Variants in PRDM6 observed in about 807,000 individuals in gnomAD.
PRDM6 encodes the protein PR/SET domain 6, also known as putative histone-lysine N-methyltransferase PRDM6.
In PRDM6, 25 loss-of-function variants were observed where a neutral mutation model predicts 60.8. The ratio of observed to expected loss-of-function variants is 0.41; its 90% CI spans 0.30 to 0.57. The LOEUF (loss-of-function observed/expected upper bound fraction) is 0.57. PRDM6 is among the 20% of genes least tolerant of loss of function. The pLI is 0.27. For synonymous variants in PRDM6, 407 were observed against 357.4 expected (o/e 1.14, Z -1.57); for missense variants, 839 against 821.3 (o/e 1.02, Z -0.26).
intron 6 of PRDM6, among the ~76,000 whole-genome samples, chr5:123,176,699 C>T (rs890849547): frequency 2.6e-5 from 4 of 152,070 alleles, no homozygotes; most frequent in Admixed American, 1.3e-4. Context: ...GGCAACAGAG[C>T]GAGACCCTGT....
intron 3 of PRDM6, among the ~76,000 whole-genome samples, chr5:123,122,271 T>C (rs1367095697): frequency 6.6e-6 from 1 of 150,886 alleles, no homozygotes; most frequent in Non-Finnish European, 1.5e-5. Flanking sequence ...AATGTTCTAG[T>C]GGGGATTCTG....
intron 3 of PRDM6, among the ~76,000 whole-genome samples, chr5:123,147,843 A>G (rs1349056566): frequency 2.0e-5 from 3 of 152,216 alleles, no homozygotes; most frequent in East Asian, 1.9e-4. Context: ...CTCCAGAATG[A>G]TGGATGGCAG....
At chr5:123,142,212 A>G (rs1007084231) in intron 3 of PRDM6, among the ~76,000 whole-genome samples, 1 of 152,170 alleles carries the variant, frequency 6.6e-6, no homozygotes, top group African/African-American at 2.4e-5. Flanking sequence ...CCAACAGTCA[A>G]GTACTTATAT....
chr5:123,089,962 A>G lies in PRDM6; in HGVS notation c.-15-38A>G. On this transcript the variant is annotated intron_variant, in intron 1 of 7. Coordinates refer to ENST00000407847, the MANE Select transcript of PRDM6 (RefSeq NM_001136239.4). ...GCCCTCTTCCCGGCCCCTTTCGCCC[A>G]GCTCACGCGCCCCCTCTTCCCTGCC... The G allele has an allele frequency of 6.2e-6, 9 of 1,450,786 alleles. No individual in the cohort carries two copies. The South Asian group carries it at 8.7e-5, about 14-fold the overall frequency. 89.9% of individuals were successfully genotyped at this position (1,450,786 alleles called of 1,614,324 possible). A position where few individuals can be genotyped will look rare whatever the true frequency, so the allele number is the denominator to read the frequency against.
At chr5:123,177,740 G>A (rs1046629549) in intron 6 of PRDM6, among the ~76,000 whole-genome samples, 4 of 152,132 alleles carry the variant, frequency 2.6e-5, no homozygotes, top group Non-Finnish European at 5.9e-5. Flanking sequence ...CCTGGGTCAT[G>A]CACATTTGTC....
At position 123,089,329 on chromosome 5, in the gene PRDM6, C is replaced by T. The variant is rs1763745976; in HGVS notation, c.-206C>T. ...TGAGTCGGGCGCCCAGGTCCGTCCGCACTCTCGCGCCCTCCGCGGGCCTCC... is the reference window on the plus strand; with the variant it reads ...TGAGTCGGGCGCCCAGGTCCGTCCGTACTCTCGCGCCCTCCGCGGGCCTCC... On this transcript the variant is annotated 5_prime_UTR_variant, in exon 1 of 8. Coordinates refer to ENST00000407847, the MANE Select transcript of PRDM6 (RefSeq NM_001136239.4). The T allele has an allele frequency of 6.5e-6, 1 of 152,792 alleles. No homozygotes were observed. The highest frequency in any genetic ancestry group is 1.5e-5 in the Non-Finnish European group (1 of 68,188). 9.5% of individuals were successfully genotyped at this position (152,792 alleles called of 1,614,324 possible). A position where few individuals can be genotyped will look rare whatever the true frequency, so the allele number is the denominator to read the frequency against.
chr5:123,123,082 A>G lies in PRDM6; in HGVS notation c.900+23121A>G, dbSNP rs566760592. 1.4e-4 allele frequency among the ~76,000 whole-genome samples: 22 copies of G among 152,330 alleles called. No individual in the cohort carries two copies. The South Asian group carries it at 3.5e-3, about 24-fold the overall frequency. ...CTGGGTTAAAATACTTATATATTTTAAAAGCTTTTAATTTTGCCTAATTTA... is the reference window on the plus strand; with the variant it reads ...CTGGGTTAAAATACTTATATATTTTGAAAGCTTTTAATTTTGCCTAATTTA... On this transcript the variant is annotated intron_variant, in intron 3 of 7. Transcript: ENST00000407847.
chr5:123,090,141 C>A lies in PRDM6; in HGVS notation c.127C>A (p.Leu43Ile). ...GPLKGSGAAGLLSAPQPLQPP... is the reference protein window; with the variant it reads ...GPLKGSGAAGILSAPQPLQPP... ...GCTCAAGGGCAGCGGCGCCGCGGGT[C>A]TCCTGAGCGCGCCGCAGCCTCTTCA... The change falls in exon 2 of 8, where the codon CTC becomes ATC. Residue 43 changes from leucine (L) to isoleucine (I), a missense_variant. Coordinates refer to ENST00000407847, the MANE Select transcript of PRDM6 (RefSeq NM_001136239.4). 1 of 1,532,366 alleles carries A rather than the reference C, an allele frequency of 6.5e-7. No individual in the cohort carries two copies. Among genetic ancestry groups the A allele is most frequent in the South Asian group, 1.2e-5 (1 of 82,852 alleles). The allele number at this position is 1,532,366 out of a possible 1,614,324, so 94.9% of individuals were successfully genotyped here.
In PRDM6 at chr5:123,155,895, GGAT is replaced by G; in HGVS notation, c.914_916del (p.Asp305del). 6.4e-7 allele frequency: 1 copy of G among 1,551,414 alleles called. No individual in the cohort carries two copies. Among genetic ancestry groups the G allele is most frequent in the Middle Eastern group, 1.7e-4 (1 of 5,988 alleles). ...GACCTCTTCTCCAGATATATGACCA[GGAT>G]GGGACACTACAGCACTTTATTGATG... On this transcript the variant is annotated inframe_deletion, in exon 4 of 8. Transcript: ENST00000407847.
intron 2 of PRDM6, among the ~76,000 whole-genome samples, chr5:123,092,934 C>G (rs1763875650): frequency 6.6e-6 from 1 of 152,058 alleles, no homozygotes; most frequent in South Asian, 2.1e-4. Flanking sequence ...TAAAACAAGT[C>G]AGAAATGCAA....
chr5:123,137,114 G>A (rs1764976588), intron 3 of PRDM6, among the ~76,000 whole-genome samples: 1 of 152,208 alleles, frequency 6.6e-6, no homozygotes. Flanking sequence ...CCTGACATGA[G>A]GTAAGCAGCA....
intron 5 of PRDM6, among the ~76,000 whole-genome samples, chr5:123,160,437 C>T (rs552823629): frequency 5.9e-5 from 9 of 152,178 alleles, no homozygotes; most frequent in Non-Finnish European, 1.5e-5. Flanking sequence ...TTTCTTGTCA[C>T]CACATTGACT....
rs1766383226 is a variant in PRDM6 at position 123,190,307 on chromosome 5, G to A, written c.*3106G>A. ...AGGGTGCAATAGGATGAGAGATGGA[G>A]CTGCAGACCTTTGCATTTCTAGAAA... On this transcript the variant is annotated 3_prime_UTR_variant, in exon 8 of 8. Transcript: ENST00000407847. 6.6e-6 allele frequency: 1 copy of A among 152,198 alleles called. No individual in the cohort carries two copies. The highest frequency in any genetic ancestry group is 2.4e-5 in the African/African-American group (1 of 41,446). The allele number at this position is 152,198 out of a possible 1,614,324, so 9.4% of individuals were successfully genotyped here. A position where few individuals can be genotyped will look rare whatever the true frequency, so the allele number is the denominator to read the frequency against.
chr5:123,158,302 A>G (rs946481823), intron 4 of PRDM6, among the ~76,000 whole-genome samples: 4 of 152,106 alleles, frequency 2.6e-5, no homozygotes, highest in African/African-American at 9.7e-5. Context: ...CTCAGCTCCA[A>G]TTTTGATTTT....
intron 3 of PRDM6, among the ~76,000 whole-genome samples, chr5:123,102,778 G>T (rs1029701643): frequency 2.0e-5 from 3 of 151,948 alleles, no homozygotes; most frequent in Admixed American, 6.5e-5. Context: ...TCTTACCAGG[G>T]TTACTTATCT....
At chr5:123,095,400 G>C (rs2150205905) in intron 2 of PRDM6, among the ~76,000 whole-genome samples, 1 of 152,390 alleles carries the variant, frequency 6.6e-6, no homozygotes, top group African/African-American at 2.4e-5. Context: ...AGGCAGTGGG[G>C]GGACCGCAGG....
Position 123,191,305 on chromosome 5 carries a change from G to A in PRDM6, c.*4104G>A, listed in dbSNP as rs1203097782. ...AGTATCTATTGAGTTGTTTAAAATG[G>A]GAATCATGGCACGTCTCACAAAGAG... On this transcript the variant is annotated 3_prime_UTR_variant, in exon 8 of 8. Transcript: ENST00000407847. 6.6e-6 allele frequency: 1 copy of A among 152,136 alleles called. No individual in the cohort carries two copies. Among genetic ancestry groups the A allele is most frequent in the Non-Finnish European group, 1.5e-5 (1 of 68,034 alleles). The allele number at this position is 152,136 out of a possible 1,614,324, so 9.4% of individuals were successfully genotyped here. A position where few individuals can be genotyped will look rare whatever the true frequency, so the allele number is the denominator to read the frequency against.
At position 123,151,247 on chromosome 5, in the gene PRDM6, C is replaced by T. The variant is rs76536408; in HGVS notation, c.901-4637C>T. Among the ~76,000 whole-genome samples the T allele has an allele frequency of 6.3e-3, 963 of 152,208 alleles. 12 individuals carry two copies. Among genetic ancestry groups the T allele is most frequent in the African/African-American group, 0.022 (918 of 41,526 alleles). On this transcript the variant is annotated intron_variant, in intron 3 of 7. Transcript: ENST00000407847. ...CCAGGGTTGGGAGCATGGGAGAGGG[C>T]GTCTGAAATGTCTCCTCACTCCCTG...
chr5:123,153,084 A>G (rs1765405958), intron 3 of PRDM6, among the ~76,000 whole-genome samples: 1 of 152,132 alleles, frequency 6.6e-6, no homozygotes, highest in Non-Finnish European at 1.5e-5. Flanking sequence ...AAGAAATCAG[A>G]GGCTGATAGT....
Sources: gnomAD v4.1 joint callset for allele counts (sites outside exome capture counted in the v4.1 genomes callset) on GRCh38, gnomAD v4.1.1 for gene constraint, MANE v1.5 for transcripts, NCBI Gene and HGNC (gene_info 2026-07-23, HGNC 2026-07-21) for gene names.